MIPEP: variants seen among roughly 807,000 people sequenced by gnomAD.
The protein encoded by MIPEP is mitochondrial intermediate peptidase.
Under a neutral mutation model 90.3 loss-of-function variants are expected in MIPEP, and 79 were observed. The observed-to-expected ratio is 0.87, with a 90% confidence interval of 0.73 to 1.05. The LOEUF (loss-of-function observed/expected upper bound fraction) is 1.05, where lower values mean the gene tolerates loss of function less well. Among genes scored for constraint, MIPEP ranks in the 50% least tolerant of loss-of-function variants. MIPEP has a pLI of 0.00. For synonymous variants in MIPEP, 334 were observed against 315.8 expected (o/e 1.06, Z -0.61); for missense variants, 940 against 905.6 (o/e 1.04, Z -0.49).
At chr13:23,817,972 G>T (rs1953260965) in intron 14 of MIPEP, among the ~76,000 whole-genome samples, 1 of 149,744 alleles carries the variant, frequency 6.7e-6, no homozygotes, top group African/African-American at 2.6e-5. Context: ...AATGAAAGCA[G>T]AAAAATAAAA....
Position 23,889,276 on chromosome 13 carries a change from T to G in MIPEP, c.45A>C (p.Ala15=). 2.2e-6 allele frequency: 3 copies of G among 1,378,692 alleles called. No individual in the cohort carries two copies. The highest frequency in any genetic ancestry group is 2.8e-6 in the Non-Finnish European group (3 of 1,065,178). 85.4% of individuals were successfully genotyped at this position (1,378,692 alleles called of 1,614,324 possible). A position where few individuals can be genotyped will look rare whatever the true frequency, so the allele number is the denominator to read the frequency against. ...GGCCCGCCCGGCGGGGCGGCAGAGC[T>G]GCTGCTCTGGCTCCCAAGCCGCCCA... ...GRLGGLGARA[A]ALPPRRAGRG... is the part of the protein sequence containing the mutation. Residue 15 remains alanine (A), a synonymous_variant, in exon 1 of 19, where the codon GCA becomes GCC. Transcript: ENST00000382172.
At chr13:23,843,097 C>CAA (rs397977292) in intron 10 of MIPEP, among the ~76,000 whole-genome samples, 9,894 of 52,870 alleles carry the variant, frequency 0.19, 1,115 homozygotes, top group African/African-American at 0.35. Flanking sequence ...CTCTCCATCT[C>CAA]AAAAAAAAAA....
chr13:23,869,909 A>G (rs2137517009), intron 6 of MIPEP, 104 bp downstream of exon 6: 2 of 895,998 alleles, frequency 2.2e-6, no homozygotes, highest in Non-Finnish European at 3.2e-6. Context: ...TAGTAATGCT[A>G]AAAAGTTTTT....
At chr13:23,846,829 G>A (rs201301467) in intron 10 of MIPEP, among the ~76,000 whole-genome samples, 2 of 388 alleles carry the variant, frequency 5.2e-3, no homozygotes, top group African/African-American at 9.6e-3. Flanking sequence ...ACTACCAAAT[G>A]ATGATGATGA....
intron 18 of MIPEP, among the ~76,000 whole-genome samples, chr13:23,737,082 A>T (rs566938774): frequency 6.6e-6 from 1 of 152,364 alleles, no homozygotes; most frequent in East Asian, 1.9e-4. Context: ...GAAAGGTCTC[A>T]TTATTTCCTG....
At chr13:23,827,079 C>T (rs1868489574) in intron 14 of MIPEP, among the ~76,000 whole-genome samples, 1 of 152,134 alleles carries the variant, frequency 6.6e-6, no homozygotes, top group Non-Finnish European at 1.5e-5. Flanking sequence ...ATACTACACC[C>T]TTTCATAAAA....
At chr13:23,866,062 C>G (rs1870519586) in intron 7 of MIPEP, among the ~76,000 whole-genome samples, 1 of 152,144 alleles carries the variant, frequency 6.6e-6, no homozygotes, top group South Asian at 2.1e-4. Flanking sequence ...TCCTCATTCA[C>G]TAGCCACATG....
intron 16 of MIPEP, among the ~76,000 whole-genome samples, chr13:23,788,767 G>A (rs1370183200): frequency 6.6e-6 from 1 of 152,044 alleles, no homozygotes; most frequent in Admixed American, 6.6e-5. Context: ...AAGCTTTATT[G>A]GATTTCTATT....
intron 18 of MIPEP, among the ~76,000 whole-genome samples, chr13:23,743,392 A>G (rs1952351804): frequency 6.6e-6 from 1 of 152,268 alleles, no homozygotes. Context: ...CTCTGCTACA[A>G]GACTGTGGTT....
Position 23,730,198 on chromosome 13 carries a change from C to G in MIPEP, c.*150G>C. The G allele has an allele frequency of 1.6e-6, 1 of 606,262 alleles. No individual in the cohort carries two copies. The highest frequency in any genetic ancestry group is 2.8e-5 in the East Asian group (1 of 35,730). The allele number at this position is 606,262 out of a possible 1,614,324, so 37.6% of individuals were successfully genotyped here. On this transcript the variant is annotated 3_prime_UTR_variant, in exon 19 of 19. Coordinates refer to ENST00000382172, the MANE Select transcript of MIPEP (RefSeq NM_005932.4). Reference sequence around the variant, plus strand: ...AGGTGAAAAGCCAGAATAATTAAAACAAATTATTTATTCCAAGTTCTACCA... The same window carrying G: ...AGGTGAAAAGCCAGAATAATTAAAAGAAATTATTTATTCCAAGTTCTACCA...
At chr13:23,754,563 C>T (rs73446192) in intron 18 of MIPEP, among the ~76,000 whole-genome samples, 4,041 of 152,178 alleles carry the variant, frequency 0.027, 196 homozygotes, top group African/African-American at 0.092. Context: ...GGATAAAGAA[C>T]AGAATTTTTG....
intron 3 of MIPEP, among the ~76,000 whole-genome samples, chr13:23,880,736 GAA>G (rs549360571): frequency 2.0e-4 from 31 of 152,338 alleles, no homozygotes; most frequent in African/African-American, 7.0e-4. Flanking sequence ...GCGGCTATGG[GAA>G]AAGTCACACA....
intron 12 of MIPEP, among the ~76,000 whole-genome samples, chr13:23,838,156 T>C (rs1396000350): frequency 2.0e-5 from 3 of 152,106 alleles, no homozygotes; most frequent in African/African-American, 7.2e-5. Context: ...TTTTTTTTCT[T>C]TTTTTAAGAT....
intron 16 of MIPEP, among the ~76,000 whole-genome samples, chr13:23,785,154 A>T (rs963618547): frequency 2.0e-5 from 3 of 152,210 alleles, no homozygotes; most frequent in African/African-American, 7.2e-5. Flanking sequence ...TACCCAGAGG[A>T]TTATAAATCA....
intron 16 of MIPEP, among the ~76,000 whole-genome samples, chr13:23,762,177 CT>C (rs1004764039): frequency 1.8e-4 from 27 of 151,376 alleles, no homozygotes; most frequent in South Asian, 4.2e-4. Context: ...AAAAGCTTAA[CT>C]TTTTTTTTAA....
At chr13:23,736,260 T>C (rs945446213) in intron 18 of MIPEP, among the ~76,000 whole-genome samples, 12 of 152,124 alleles carry the variant, frequency 7.9e-5, no homozygotes, top group Admixed American at 4.6e-4. Flanking sequence ...AAAGTGTCAA[T>C]AGCAATATAA....
chr13:23,814,118 T>G (rs970261965), intron 14 of MIPEP, among the ~76,000 whole-genome samples: 1 of 152,212 alleles, frequency 6.6e-6, no homozygotes, highest in Non-Finnish European at 1.5e-5. Context: ...CAGCTGCACG[T>G]TTTACCAGAT....
In MIPEP at chr13:23,887,714, T is replaced by C. The variant is rs926639701; in HGVS notation, c.190-1208A>G. 3.9e-5 allele frequency among the ~76,000 whole-genome samples: 6 copies of C among 152,210 alleles called. No homozygotes were observed. The East Asian group carries it at 7.7e-4, about 19-fold the overall frequency. On this transcript the variant is annotated intron_variant, in intron 1 of 18. Transcript: ENST00000382172. ...AGGCTTTGTTAATTCACTTTGTAGG[T>C]GCTTAACGCATAGATTTTCAGAAAT...
intron 10 of MIPEP, among the ~76,000 whole-genome samples, chr13:23,853,902 G>A (rs1047705404): frequency 1.3e-5 from 2 of 151,838 alleles, no homozygotes; most frequent in Non-Finnish European, 2.9e-5. Flanking sequence ...CTGTCATTAA[G>A]TGGCACATGA....
Sources: allele counts gnomAD v4.1 joint callset (sites outside exome capture counted in the v4.1 genomes callset), GRCh38; gene constraint gnomAD v4.1.1; transcripts MANE v1.5; gene names NCBI Gene and HGNC (gene_info 2026-07-23, HGNC 2026-07-21).